Variants in MTCL1 observed in about 807,000 individuals in gnomAD.
MTCL1 encodes microtubule cross-linking factor 1.
In MTCL1, 79 loss-of-function variants were observed where a neutral mutation model predicts 141.4. The observed-to-expected ratio is 0.56, with a 90% CI of 0.47 to 0.67. The LOEUF is 0.67. Ranked by LOEUF, MTCL1 falls within the 30% of genes least tolerant of loss-of-function variation. The probability of loss-of-function intolerance (pLI) is 0.00; values close to 1 mark genes in which losing one functional copy is unlikely to be tolerated. For synonymous variants in MTCL1, 914 were observed against 875.8 expected (o/e 1.04, Z -0.77); for missense variants, 2,177 against 2,113.9 (o/e 1.03, Z -0.59).
At chr18:8,824,717 C>T (rs2076958842) in exon 15 of MTCL1, 1 of 1,612,676 alleles carries the variant, frequency 6.2e-7, no homozygotes, top group Non-Finnish European at 8.5e-7. Flanking sequence ...CCGTGTCCTC[C>T]ATGTCTGAGT....
At chr18:8,759,976 G>A (rs532149215) in intron 4 of MTCL1, among the ~76,000 whole-genome samples, 80 of 152,248 alleles carry the variant, frequency 5.3e-4, no homozygotes, top group Middle Eastern at 6.8e-3. Flanking sequence ...ACAGCACATC[G>A]GGGCTATGCT....
At chr18:8,821,268 C>T (rs1320686253) in intron 13 of MTCL1, among the ~76,000 whole-genome samples, 199 bp from the exon 13 acceptor site, 2 of 152,204 alleles carry the variant, frequency 1.3e-5, no homozygotes, top group Non-Finnish European at 2.9e-5. Context: ...TCCAGCCCCT[C>T]ATCATGCTGT....
intron 4 of MTCL1, among the ~76,000 whole-genome samples, chr18:8,735,895 C>T (rs1194361127): frequency 6.6e-6 from 1 of 152,090 alleles, no homozygotes; most frequent in African/African-American, 2.4e-5. Flanking sequence ...GGGGACAGAA[C>T]AAATGCTTTA....
exon 15 of MTCL1, chr18:8,825,968 C>G: frequency 6.3e-7 from 1 of 1,597,220 alleles, no homozygotes; most frequent in Non-Finnish European, 8.5e-7. Flanking sequence ...AGGAAACAGG[C>G]ACCAATTCCC....
chr18:8,824,749 C>T, exon 15 of MTCL1: 1 of 1,614,064 alleles, frequency 6.2e-7, no homozygotes, highest in South Asian at 1.1e-5. Flanking sequence ...ATGGACATCT[C>T]CCCCTTCCTG....
intron 5 of MTCL1, among the ~76,000 whole-genome samples, chr18:8,778,659 G>A (rs557689625): frequency 6.6e-6 from 1 of 152,158 alleles, no homozygotes; most frequent in Non-Finnish European, 1.5e-5. Flanking sequence ...ATCATTCAAG[G>A]GGGGGCAGGC....
At chr18:8,802,319 G>A (rs937634895) in intron 10 of MTCL1, 6 of 152,192 alleles carry the variant, frequency 3.9e-5, no homozygotes, top group African/African-American at 9.7e-5. Context: ...TGTGACTGGC[G>A]TTTTGTGGGT....
chr18:8,759,508 G>A (rs1349245022), intron 4 of MTCL1, among the ~76,000 whole-genome samples: 1 of 152,136 alleles, frequency 6.6e-6, no homozygotes, highest in Non-Finnish European at 1.5e-5. Flanking sequence ...AGATCATTTT[G>A]AGACTGCTTT....
chr18:8,766,226 C>T (rs748892279), intron 4 of MTCL1, among the ~76,000 whole-genome samples: 9 of 152,244 alleles, frequency 5.9e-5, no homozygotes, highest in African/African-American at 9.6e-5. Flanking sequence ...GCCTGCGTTT[C>T]AGCAGGGTGT....
chr18:8,798,519 A>G (rs953065969), intron 10 of MTCL1, among the ~76,000 whole-genome samples: 3 of 152,190 alleles, frequency 2.0e-5, no homozygotes, highest in Admixed American at 1.3e-4. Context: ...GAGTTGCCAT[A>G]TAAATAAGGA....
chr18:8,767,761 A>AC (rs2096466132), intron 4 of MTCL1, among the ~76,000 whole-genome samples: 1 of 152,174 alleles, frequency 6.6e-6, no homozygotes. Context: ...GATTTGAAAA[A>AC]AAAAAAAATT....
rs1410385803 is a variant in MTCL1, at chr18:8,737,311, CA to C, written c.357+16816del. Among the ~76,000 whole-genome samples the C allele has an allele frequency of 1.3e-4, 20 of 152,322 alleles. No individual in the cohort carries two copies. The East Asian group carries it at 3.9e-3, about 29-fold the overall frequency. Reference sequence around the variant, plus strand: ...TTTGACATTTAGTAAATAGCTTAAACAGAGACAGGGAAGTTTAAAGAGTTTT... The same window carrying C: ...TTTGACATTTAGTAAATAGCTTAAACGAGACAGGGAAGTTTAAAGAGTTTT... On this transcript the variant is annotated intron_variant, in intron 4 of 16. Coordinates refer to ENST00000359865, the Ensembl canonical transcript of MTCL1.
At chr18:8,784,372 A>G (rs918272) in exon 6 of MTCL1, 1,476,584 of 1,529,282 alleles carry the variant, frequency 0.97, 713,856 homozygotes, top group Non-Finnish European at 0.97. Context: ...ACTCGGAGGA[A>G]ATGTTTGAGA....
rs999005308 is a variant in MTCL1 at position 8,779,127 on chromosome 18, T to TCACC, written c.417+1237_417+1240dup. 2.6e-5 allele frequency among the ~76,000 whole-genome samples: 4 copies of TCACC among 152,220 alleles called. No individual in the cohort carries two copies. The highest frequency in any genetic ancestry group is 9.6e-5 in the African/African-American group (4 of 41,458). On this transcript the variant is annotated intron_variant, in intron 5 of 16. Transcript: ENST00000359865. This position sits in a 1 kb window ranked among gnomAD's most constrained non-coding sequence, Gnocchi z 4.1. ...CGGCGCAAGGTAGGCACGTGGGCAG[T>TCACC]CACCCGCTCAGGGTGCTGGCTGGAC...
At chr18:8,829,823 C>T (rs1367475975) in intron 16 of MTCL1, 12 of 985,070 alleles carry the variant, frequency 1.2e-5, no homozygotes, top group African/African-American at 1.8e-5. Context: ...CTCGGGAAAG[C>T]GCAGCATCGT....
rs906176301 is a variant in MTCL1 at position 8,831,545 on chromosome 18, G to A, written c.*19-62G>A. 7 of 1,531,024 alleles carry A rather than the reference G, an allele frequency of 4.6e-6. No individual in the cohort carries two copies. The African/African-American group carries it at 9.6e-5, about 21-fold the overall frequency. The allele number at this position is 1,531,024 out of a possible 1,614,324, so 94.8% of individuals were successfully genotyped here. ...AGTCTGTTGAGAAGTGTGTTTGGGG[G>A]AATCATCCACTGGTGACACTGCCGG... On this transcript the variant is annotated intron_variant, in intron 16 of 16. Coordinates refer to ENST00000359865, the Ensembl canonical transcript of MTCL1.
chr18:8,732,573 A>C (rs551503407), intron 4 of MTCL1, among the ~76,000 whole-genome samples: 1 of 152,232 alleles, frequency 6.6e-6, no homozygotes, highest in Non-Finnish European at 1.5e-5. Flanking sequence ...TTATGAGCCA[A>C]ATAAGCAAGT....
At chr18:8,720,619 G>C in intron 4 of MTCL1, 123 bp downstream of exon 3, 1 of 896,856 alleles carries the variant, frequency 1.1e-6, no homozygotes. Flanking sequence ...TGTTTGTTTG[G>C]CTCATAAGTT....
intron 4 of MTCL1, among the ~76,000 whole-genome samples, chr18:8,733,984 G>T (rs1372907258): frequency 6.6e-6 from 1 of 152,154 alleles, no homozygotes; most frequent in Non-Finnish European, 1.5e-5. Flanking sequence ...TGTAAACGAG[G>T]TTACTCACAG....
Sources: allele counts gnomAD v4.1 joint callset (sites outside exome capture counted in the v4.1 genomes callset), GRCh38; gene constraint gnomAD v4.1.1; non-coding constraint Gnocchi (gnomAD v3.1); transcripts MANE v1.5; gene names NCBI Gene and HGNC (gene_info 2026-07-23, HGNC 2026-07-21).